Variants in CAPZA2 observed in about 807,000 individuals in gnomAD.
CAPZA2 encodes the protein capping actin protein of muscle Z-line subunit alpha 2.
Under a neutral mutation model 44.0 loss-of-function variants are expected in CAPZA2, and 13 were observed. The ratio of observed to expected loss-of-function variants is 0.30; its 90% CI spans 0.19 to 0.47. The LOEUF (loss-of-function observed/expected upper bound fraction) is 0.47, where lower values mean the gene tolerates loss of function less well. Among genes scored for constraint, CAPZA2 ranks in the 20% least tolerant of loss-of-function variants. CAPZA2 has a pLI of 1.00. For synonymous variants in CAPZA2, 94 were observed against 108.2 expected, an observed-to-expected ratio of 0.87 and a Z score of 0.81; for missense variants, 244 against 338.6, an observed-to-expected ratio of 0.72 and a Z score of 2.19.
At chr7:116,916,990 G>T (rs912393634) in intron 9 of CAPZA2, among the ~76,000 whole-genome samples, 1 of 152,064 alleles carries the variant, frequency 6.6e-6, no homozygotes, top group Non-Finnish European at 1.5e-5. Context: ...TGGATTATGT[G>T]TAATCTGTTT....
At chr7:116,867,039 A>T (rs1271138178) in intron 1 of CAPZA2, among the ~76,000 whole-genome samples, 1 of 152,160 alleles carries the variant, frequency 6.6e-6, no homozygotes, top group African/African-American at 2.4e-5. Flanking sequence ...TTGGCCCTGT[A>T]CCTTACAATC....
chr7:116,878,374 ATC>A (rs1007007373), intron 1 of CAPZA2, among the ~76,000 whole-genome samples: 4 of 152,148 alleles, frequency 2.6e-5, no homozygotes, highest in Non-Finnish European at 5.9e-5. Context: ...TTAATTCTGG[ATC>A]TCTGTTTTCT....
intron 4 of CAPZA2, among the ~76,000 whole-genome samples, chr7:116,903,000 A>G (rs1355886290): frequency 2.0e-5 from 3 of 152,188 alleles, no homozygotes; most frequent in Non-Finnish European, 2.9e-5. Context: ...GGCATGAGCT[A>G]CCACACCCAG....
intron 4 of CAPZA2, among the ~76,000 whole-genome samples, chr7:116,899,555 G>A (rs1296111572): frequency 6.6e-6 from 1 of 151,552 alleles, no homozygotes; most frequent in Non-Finnish European, 1.5e-5. Context: ...TGTAACTGAA[G>A]GGAAATTTTA....
chr7:116,892,180 T>A (rs1166695213), intron 2 of CAPZA2, among the ~76,000 whole-genome samples: 1 of 152,212 alleles, frequency 6.6e-6, no homozygotes, highest in Non-Finnish European at 1.5e-5. Context: ...AGAATTATAG[T>A]CTTTTTACAT....
At chr7:116,888,106 A>G (rs774442679) in intron 1 of CAPZA2, 21 bp from the exon 2 acceptor site, 15 of 1,575,602 alleles carry the variant, frequency 9.5e-6, no homozygotes, top group Non-Finnish European at 4.3e-6. Context: ...TGGAACATTT[A>G]TATCTTTCTT....
chr7:116,867,952 G>A (rs1206833968), intron 1 of CAPZA2, among the ~76,000 whole-genome samples: 1 of 152,180 alleles, frequency 6.6e-6, no homozygotes, highest in African/African-American at 2.4e-5. Flanking sequence ...TGAAATGTTA[G>A]AATGTTGTAG....
intron 1 of CAPZA2, among the ~76,000 whole-genome samples, chr7:116,869,516 A>G (rs1157054563): frequency 6.6e-6 from 1 of 152,214 alleles, no homozygotes; most frequent in Non-Finnish European, 1.5e-5. Context: ...ATATTTTAAG[A>G]TCTCTGAAAT....
chr7:116,871,218 C>T (rs1375301335), intron 1 of CAPZA2, among the ~76,000 whole-genome samples: 1 of 152,068 alleles, frequency 6.6e-6, no homozygotes, highest in Non-Finnish European at 1.5e-5. Flanking sequence ...TGAGGAGAAA[C>T]CCTTGAGGTC....
At chr7:116,917,553 G>A (rs1189579528) in intron 9 of CAPZA2, among the ~76,000 whole-genome samples, 174 bp from the exon 10 acceptor site, 1 of 152,114 alleles carries the variant, frequency 6.6e-6, no homozygotes, top group Non-Finnish European at 1.5e-5. Flanking sequence ...CACCGCGCCC[G>A]GCTCTTCTAG....
At chr7:116,897,263 A>G (rs1449929381) in intron 3 of CAPZA2, among the ~76,000 whole-genome samples, 2 of 152,196 alleles carry the variant, frequency 1.3e-5, no homozygotes, top group Non-Finnish European at 2.9e-5. Context: ...TTAAGGATTA[A>G]TAATGCCCTG....
At chr7:116,882,117 G>A (rs1451202254) in intron 1 of CAPZA2, among the ~76,000 whole-genome samples, 1 of 152,170 alleles carries the variant, frequency 6.6e-6, no homozygotes, top group Non-Finnish European at 1.5e-5. Flanking sequence ...TAAAGGTGGT[G>A]TATGGCGAGT....
At chr7:116,907,821 A>G (rs1228383235) in intron 6 of CAPZA2, among the ~76,000 whole-genome samples, 1 of 152,178 alleles carries the variant, frequency 6.6e-6, no homozygotes, top group African/African-American at 2.4e-5. Context: ...TTACAAGGGT[A>G]ATTTTTCCTA....
intron 3 of CAPZA2, 121 bp from the exon 4 acceptor site, chr7:116,898,651 T>C (rs1585010612): frequency 3.8e-6 from 2 of 525,134 alleles, no homozygotes; most frequent in Non-Finnish European, 6.6e-6. Context: ...AATTACAATT[T>C]TATTTATTTT....
chr7:116,891,076 C>T (rs1796841188), intron 2 of CAPZA2, among the ~76,000 whole-genome samples: 2 of 152,168 alleles, frequency 1.3e-5, no homozygotes, highest in Admixed American at 1.3e-4. Flanking sequence ...ATCTACATTC[C>T]TTACATCTCC....
At chr7:116,911,989 C>T (rs1396921765) in intron 7 of CAPZA2, 80 bp from the exon 8 acceptor site, 1 of 1,588,172 alleles carries the variant, frequency 6.3e-7, no homozygotes, top group Non-Finnish European at 8.6e-7. Flanking sequence ...TGTAGTCAGT[C>T]TGCATTGATA....
intron 7 of CAPZA2, 48 bp from the exon 8 acceptor site, chr7:116,912,021 T>G (rs752895709): frequency 6.2e-7 from 1 of 1,606,474 alleles, no homozygotes; most frequent in East Asian, 2.2e-5. Context: ...GCAATAAGGT[T>G]CTTGATGATT....
At chr7:116,893,419 A>G (rs1562960626) in intron 3 of CAPZA2, among the ~76,000 whole-genome samples, 1 of 152,144 alleles carries the variant, frequency 6.6e-6, no homozygotes, top group Non-Finnish European at 1.5e-5. Flanking sequence ...GTGAGCCACC[A>G]CATCCGGCCT....
chr7:116,868,523 C>T (rs375818757), intron 1 of CAPZA2, among the ~76,000 whole-genome samples: 180 of 152,188 alleles, frequency 1.2e-3, no homozygotes, highest in African/African-American at 4.0e-3. Flanking sequence ...ACCTGAGGTC[C>T]GGAGTTTGAG....
Sources: gnomAD v4.1 joint callset for allele counts (sites outside exome capture counted in the v4.1 genomes callset) on GRCh38, gnomAD v4.1.1 for gene constraint, MANE v1.5 for transcripts, NCBI Gene and HGNC (gene_info 2026-07-23, HGNC 2026-07-21) for gene names.